The following DAOA variants were observed in gnomAD, a reference collection of about 807,000 sequenced individuals.
DAOA encodes D-amino acid oxidase activator, also known as D-amino acid oxidase regulator.
In DAOA, 15 loss-of-function variants were observed where a neutral mutation model predicts 16.4. That is an observed-to-expected ratio of 0.91 (90% CI 0.61 to 1.41). The LOEUF is 1.41. Ranked by LOEUF, DAOA falls within the 40% of genes most tolerant of loss-of-function variation. The pLI, the probability that DAOA is intolerant of heterozygous loss-of-function variation, is 0.00. For synonymous variants in DAOA, 75 were observed against 59.1 expected, an observed-to-expected ratio of 1.27 and a Z score of -1.23; for missense variants, 230 against 176.8, an observed-to-expected ratio of 1.30 and a Z score of -1.71.
chr13:105,473,591 C>T (rs924275893), intron 4 of DAOA, among the ~76,000 whole-genome samples: 2 of 151,952 alleles, frequency 1.3e-5, no homozygotes, highest in African/African-American at 4.8e-5. Flanking sequence ...CTTTAGTTTG[C>T]CACGCAAAAA....
At chr13:105,484,964 T>C (rs1366192294) in intron 4 of DAOA, among the ~76,000 whole-genome samples, 2 of 152,196 alleles carry the variant, frequency 1.3e-5, no homozygotes, top group Non-Finnish European at 2.9e-5. Context: ...TTTTTGTCTC[T>C]AAAACCATCG....
At chr13:105,475,297 A>C (rs1877254240) in intron 4 of DAOA, among the ~76,000 whole-genome samples, 1 of 152,176 alleles carries the variant, frequency 6.6e-6, no homozygotes, top group Non-Finnish European at 1.5e-5. Flanking sequence ...GAAATCTCAC[A>C]AAGCTTTATT....
Position 105,479,675 on chromosome 13 carries a change from C to T in DAOA, c.281+6990C>T, listed in dbSNP as rs117275574. On this transcript the variant is annotated intron_variant, in intron 4 of 5. Coordinates refer to ENST00000375936, the MANE Select transcript of DAOA (RefSeq NM_172370.5). ...AGCAATATTGGATGTAGAGCCCACT[C>T]TACTCTAGTATTACCTCATCTTAAC... Among the ~76,000 whole-genome samples the T allele has an allele frequency of 4.1e-3, 621 of 152,284 alleles. 3 individuals are homozygous for T. Among genetic ancestry groups the T allele is most frequent in the African/African-American group, 0.012 (518 of 41,544 alleles).
chr13:105,487,698 A>T (rs953764296), intron 4 of DAOA, among the ~76,000 whole-genome samples: 17 of 152,190 alleles, frequency 1.1e-4, no homozygotes, highest in Non-Finnish European at 1.2e-4. Context: ...AATTTTGAAA[A>T]TATACTACAT....
chr13:105,483,311 T>C (rs1358933476), intron 4 of DAOA, among the ~76,000 whole-genome samples: 5 of 152,216 alleles, frequency 3.3e-5, no homozygotes, highest in Non-Finnish European at 7.3e-5. Context: ...GATGTGATAA[T>C]TTGTGTAGAA....
At chr13:105,474,574 T>C (rs913127425) in intron 4 of DAOA, among the ~76,000 whole-genome samples, 1 of 152,234 alleles carries the variant, frequency 6.6e-6, no homozygotes, top group Admixed American at 6.5e-5. Context: ...CACGGTGAAA[T>C]TAATCAGTTT....
At chr13:105,485,419 C>A (rs1878037666) in intron 4 of DAOA, among the ~76,000 whole-genome samples, 1 of 152,138 alleles carries the variant, frequency 6.6e-6, no homozygotes, top group Non-Finnish European at 1.5e-5. Context: ...TGCTTCCATC[C>A]CTAAACTCAG....
chr13:105,466,158 C>A, intron 1 of DAOA, 58 bp from the exon 2 acceptor site: 2 of 1,428,904 alleles, frequency 1.4e-6, no homozygotes, highest in South Asian at 1.4e-5. Flanking sequence ...AGCTACACCC[C>A]AAATTAGTGG....
chr13:105,477,535 C>A (rs868576384), intron 4 of DAOA, among the ~76,000 whole-genome samples: 1 of 152,152 alleles, frequency 6.6e-6, no homozygotes, highest in Admixed American at 6.5e-5. Context: ...CAAGACCAAC[C>A]AGGGAAACCT....
intron 4 of DAOA, among the ~76,000 whole-genome samples, chr13:105,477,413 C>G (rs563386974): frequency 7.9e-5 from 12 of 152,276 alleles, no homozygotes; most frequent in African/African-American, 2.9e-4. Context: ...ATGCCAGTCA[C>G]ATAAAAATAA....
At chr13:105,488,105 T>A (rs2139206950) in intron 4 of DAOA, among the ~76,000 whole-genome samples, 1 of 152,302 alleles carries the variant, frequency 6.6e-6, no homozygotes, top group East Asian at 1.9e-4. Context: ...CTAACAGAGG[T>A]ACTTCTAAAA....
At chr13:105,479,949 A>C (rs1877594967) in intron 4 of DAOA, among the ~76,000 whole-genome samples, 1 of 152,196 alleles carries the variant, frequency 6.6e-6, no homozygotes, top group Non-Finnish European at 1.5e-5. Flanking sequence ...GCTCAGAAAC[A>C]AAGCAAGATA....
chr13:105,476,059 G>A (rs1205909228), intron 4 of DAOA, among the ~76,000 whole-genome samples: 8 of 151,976 alleles, frequency 5.3e-5, no homozygotes, highest in African/African-American at 1.9e-4. Flanking sequence ...AATATTTATT[G>A]GAGGGTCTCA....
chr13:105,472,554 A>G lies in DAOA; in HGVS notation c.150A>G (p.Glu50=), dbSNP rs1594106939. Residue 50 remains glutamate, a synonymous_variant, in exon 4 of 6, where the codon GAA becomes GAG. Coordinates refer to ENST00000375936, the MANE Select transcript of DAOA (RefSeq NM_172370.5). ...SLNSIAKETE[E]GRETVTRKEG... ...CTGTTGCAGCAAAGGAGACAGAAGAAGGAAGAGAGACGGTAACAAGGAAAG... is the reference window on the plus strand; with the variant it reads ...CTGTTGCAGCAAAGGAGACAGAAGAGGGAAGAGAGACGGTAACAAGGAAAG... The G allele has an allele frequency of 3.1e-6, 5 of 1,613,900 alleles. No individual in the cohort carries two copies. Among genetic ancestry groups the G allele is most frequent in the African/African-American group, 2.7e-5 (2 of 74,936 alleles).
At chr13:105,471,068 A>G (rs529647288) in intron 3 of DAOA, among the ~76,000 whole-genome samples, 188 of 152,016 alleles carry the variant, frequency 1.2e-3, no homozygotes, top group Non-Finnish European at 1.8e-3. Flanking sequence ...GATTACAGGC[A>G]TGAGCCACCG....
chr13:105,489,914 A>G lies in DAOA; in HGVS notation c.295A>G (p.Ser99Gly). 1 of 1,613,926 alleles carries G rather than the reference A, an allele frequency of 6.2e-7. No individual in the cohort carries two copies. The highest frequency in any genetic ancestry group is 1.7e-5 in the Admixed American group (1 of 59,986). Residue 99 changes from serine (S) to glycine (G), a missense_variant, in exon 5 of 6, where the codon AGC becomes GGC. Physicochemically the swap from Ser to Gly is moderately conservative, Grantham distance 56. Coordinates refer to ENST00000375936, the MANE Select transcript of DAOA (RefSeq NM_172370.5). ...ATCTCCTTACAGGCTTGAAGAAGTA[A>G]GCAGCCATGTTGGAAAAGTCTTCAT... ...PQPYAELEEV[S>G]SHVGKVFMAR... is the part of the protein sequence containing the mutation.
At chr13:105,490,603 A>G (rs1250295741) in intron 5 of DAOA, 1 of 152,172 alleles carries the variant, frequency 6.6e-6, no homozygotes, top group African/African-American at 2.4e-5. Flanking sequence ...CCCTACTTTT[A>G]TAATTTCTAA....
At chr13:105,466,149 G>T in intron 1 of DAOA, 67 bp from the exon 2 acceptor site, 1 of 1,346,404 alleles carries the variant, frequency 7.4e-7, no homozygotes, top group Non-Finnish European at 1.0e-6. Context: ...CTGCAAAAGA[G>T]CTACACCCCA....
intron 4 of DAOA, among the ~76,000 whole-genome samples, chr13:105,478,073 G>T (rs1338100480): frequency 1.3e-5 from 2 of 152,180 alleles, no homozygotes; most frequent in South Asian, 2.1e-4. Flanking sequence ...TTGGTTTCTT[G>T]GTCATTTGTG....
Sources: allele counts gnomAD v4.1 joint callset (sites outside exome capture counted in the v4.1 genomes callset), GRCh38; gene constraint gnomAD v4.1.1; transcripts MANE v1.5; gene names NCBI Gene and HGNC (gene_info 2026-07-23, HGNC 2026-07-21).